Variants in LOXL2 observed in about 807,000 individuals in gnomAD.
LOXL2 encodes lysyl oxidase homolog 2.
LOXL2 carries 70 observed loss-of-function variants against 93.0 expected under a neutral mutation model. The ratio of observed to expected loss-of-function variants is 0.75; its 90% CI spans 0.62 to 0.92. The LOEUF (loss-of-function observed/expected upper bound fraction) is 0.92. LOXL2 is among the 40% of genes least tolerant of loss of function. The pLI, the probability that LOXL2 is intolerant of heterozygous loss-of-function variation, is 0.00. For missense variants in LOXL2, 973 were observed against 1,054.9 expected (o/e 0.92, Z 1.08); for synonymous variants, 438 against 413.2 (o/e 1.06, Z -0.73).
At chr8:23,312,518 C>A (rs1291381838) in intron 9 of LOXL2, among the ~76,000 whole-genome samples, 2 of 132,708 alleles carry the variant, frequency 1.5e-5, no homozygotes, top group South Asian at 5.3e-4. Context: ...TAAACGTAAT[C>A]CAGCATATAA....
intron 3 of LOXL2, among the ~76,000 whole-genome samples, chr8:23,353,375 A>G (rs1318902627): frequency 1.3e-5 from 2 of 151,536 alleles, no homozygotes; most frequent in African/African-American, 4.9e-5. Flanking sequence ...GCTCCTACTT[A>G]CCTCCTTTTA....
Position 23,353,398 on chromosome 8 carries a change from G to C in LOXL2, c.531+6692C>G, listed in dbSNP as rs377260864. On this transcript the variant is annotated intron_variant, in intron 3 of 13. Coordinates refer to ENST00000389131, the MANE Select transcript of LOXL2 (RefSeq NM_002318.3). ...TTACCTCCTTTTAAGAAAGTTTTGA[G>C]GATTGACCTAAAACTGATTTTCTTT... is the stretch of plus-strand genomic sequence containing the variant. Among the ~76,000 whole-genome samples, 6 of 152,212 alleles carry C rather than the reference G, an allele frequency of 3.9e-5. 1 individual carries two copies. The highest frequency in any genetic ancestry group is 1.4e-4 in the African/African-American group (6 of 41,534).
At chr8:23,340,905 GA>G in intron 4 of LOXL2, 86 bp downstream of exon 4, 2 of 1,265,878 alleles carry the variant, frequency 1.6e-6, no homozygotes, top group Non-Finnish European at 2.3e-6. Flanking sequence ...CCTGGCCAAG[GA>G]AAGGCCACCA....
chr8:23,322,849 G>C (rs1337876342), intron 6 of LOXL2, among the ~76,000 whole-genome samples: 1 of 152,232 alleles, frequency 6.6e-6, no homozygotes, highest in Non-Finnish European at 1.5e-5. Flanking sequence ...CCTGCTAGGG[G>C]CTGAGGATTC....
At chr8:23,343,337 A>G (rs974800727) in intron 3 of LOXL2, among the ~76,000 whole-genome samples, 2 of 152,180 alleles carry the variant, frequency 1.3e-5, no homozygotes, top group Non-Finnish European at 2.9e-5. Flanking sequence ...GTTGATAGCT[A>G]CTGCCATCCC....
chr8:23,365,733 C>CGGGTGGG (rs1804390528), intron 2 of LOXL2: 2 of 152,310 alleles, frequency 1.3e-5, no homozygotes, highest in Non-Finnish European at 2.9e-5. Context: ...TGCACCCACC[C>CGGGTGGG]TTCAATCTCC....
chr8:23,318,017 C>T (rs1803430324), intron 8 of LOXL2, among the ~76,000 whole-genome samples: 1 of 152,030 alleles, frequency 6.6e-6, no homozygotes, highest in Non-Finnish European at 1.5e-5. Flanking sequence ...CTTGGCTAAG[C>T]CACAGTACCC....
At chr8:23,329,502 C>T (rs1160607965) in intron 5 of LOXL2, among the ~76,000 whole-genome samples, 2 of 151,586 alleles carry the variant, frequency 1.3e-5, no homozygotes, top group Non-Finnish European at 2.9e-5. Flanking sequence ...TCCAGCTGTC[C>T]ACATACCCAG....
In LOXL2 at chr8:23,309,930, T is replaced by A. The variant is rs762174792; in HGVS notation, c.1637-19A>T. The A allele has an allele frequency of 2.5e-5, 36 of 1,450,216 alleles. No individual in the cohort carries two copies. Among genetic ancestry groups the A allele is most frequent in the Non-Finnish European group, 3.0e-5 (33 of 1,091,318 alleles). The allele number at this position is 1,450,216 out of a possible 1,614,324, so 89.8% of individuals were successfully genotyped here. Reference sequence around the variant, plus strand: ...GGGGCGGCTGCGGAGGATGGCATGCTGGTCAACAAGGCAAGAGACCCCTCC... The same window carrying A: ...GGGGCGGCTGCGGAGGATGGCATGCAGGTCAACAAGGCAAGAGACCCCTCC... On this transcript the variant is annotated intron_variant, in intron 9 of 13. Coordinates refer to ENST00000389131, the MANE Select transcript of LOXL2 (RefSeq NM_002318.3).
At chr8:23,328,359 C>T (rs1256579485) in intron 6 of LOXL2, 23 bp downstream of exon 6, 2 of 1,611,956 alleles carry the variant, frequency 1.2e-6, no homozygotes, top group African/African-American at 1.3e-5. Context: ...AGAGAGGCCC[C>T]CTCTAGCCTC....
chr8:23,372,843 A>G (rs1164218152), intron 1 of LOXL2, among the ~76,000 whole-genome samples: 1 of 152,214 alleles, frequency 6.6e-6, no homozygotes, highest in Non-Finnish European at 1.5e-5. Flanking sequence ...AAGACACAGA[A>G]AAATCCTGGG....
rs149695017 is a variant in LOXL2 at position 23,309,732 on chromosome 8, T to A, written c.1816A>T (p.Asn606Tyr). 5 of 1,595,874 alleles carry A rather than the reference T, an allele frequency of 3.1e-6. No individual in the cohort carries two copies. Among genetic ancestry groups the A allele is most frequent in the Middle Eastern group, 1.7e-4 (1 of 5,984 alleles). Residue 606 changes from asparagine (N) to tyrosine (Y), a missense_variant, in exon 10 of 14, where the codon AAT becomes TAT. Coordinates refer to ENST00000389131, the MANE Select transcript of LOXL2 (RefSeq NM_002318.3). ...LLRFSSQIHN[N>Y]GQSDFRPKNG... ...TTGGGCCGGAAGTCGGACTGGCCAT[T>A]GTTGTGGATCTGGGAGGAGAAGCGC...
At chr8:23,340,958 C>T in intron 4 of LOXL2, 34 bp downstream of exon 4, 1 of 1,579,254 alleles carries the variant, frequency 6.3e-7, no homozygotes, top group East Asian at 2.2e-5. Flanking sequence ...GGGCGGATAC[C>T]CTCAAAGCCA....
intron 4 of LOXL2, 73 bp from the exon 5 acceptor site, chr8:23,333,696 G>C (rs1391632749): frequency 5.9e-6 from 7 of 1,194,808 alleles, no homozygotes; most frequent in Non-Finnish European, 8.4e-6. Flanking sequence ...CAACGAGGCA[G>C]AACATGAGAG....
rs1346183510 is a variant in LOXL2 at position 23,328,580 on chromosome 8, G to T, written c.967-15C>A. The T allele has an allele frequency of 1.2e-6, 2 of 1,612,890 alleles. No homozygotes were observed. Among genetic ancestry groups the T allele is most frequent in the Non-Finnish European group, 8.5e-7 (1 of 1,179,754 alleles). On this transcript the variant is annotated splice_polypyrimidine_tract_variant and intron_variant, in intron 5 of 13. Transcript: ENST00000389131. ...ACCAGGGGTTGCTGAAGAGACACACGGTCCTGCTGAGTACAGACGCTGATG... is the reference window on the plus strand; with the variant it reads ...ACCAGGGGTTGCTGAAGAGACACACTGTCCTGCTGAGTACAGACGCTGATG...
At chr8:23,341,534 G>A (rs1051590303) in intron 3 of LOXL2, 13 of 410,072 alleles carry the variant, frequency 3.2e-5, no homozygotes, top group African/African-American at 2.6e-4. Context: ...GCCTCCTCCT[G>A]CACAGGCCTC....
At chr8:23,311,145 G>A (rs190490735) in intron 9 of LOXL2, among the ~76,000 whole-genome samples, 2 of 152,268 alleles carry the variant, frequency 1.3e-5, no homozygotes, top group Non-Finnish European at 2.9e-5. Flanking sequence ...AGTGAGCTCT[G>A]TCTCCCTTCT....
Position 23,368,343 on chromosome 8 carries a change from C to G in LOXL2, c.9G>C (p.Arg3Ser), listed in dbSNP as rs757980482. The change falls in exon 2 of 14, where the codon AGG becomes AGC. Residue 3 changes from arginine to serine, a missense_variant. Transcript: ENST00000389131. ...AGCTGCAGAGGTGGGAGCACAGAGG[C>G]CTCTCCATCCCTGTCTTCGGGCTGA... Reference protein sequence around the residue: MERPLCSHLCSCL... With the variant: MESPLCSHLCSCL... 1.1e-5 allele frequency: 17 copies of G among 1,611,156 alleles called. No homozygotes were observed. The highest frequency in any genetic ancestry group is 1.7e-5 in the Admixed American group (1 of 60,000).
chr8:23,305,688 G>A (rs1402708327), intron 10 of LOXL2, among the ~76,000 whole-genome samples: 2 of 152,148 alleles, frequency 1.3e-5, no homozygotes, highest in Non-Finnish European at 2.9e-5. Context: ...GGGAAGCATG[G>A]ACTTGGAAGG....
Sources: allele counts gnomAD v4.1 joint callset (sites outside exome capture counted in the v4.1 genomes callset), GRCh38; gene constraint gnomAD v4.1.1; transcripts MANE v1.5; gene names NCBI Gene and HGNC (gene_info 2026-07-23, HGNC 2026-07-21).